Variants in NAALADL2 observed in about 807,000 individuals in gnomAD.
The protein encoded by NAALADL2 is N-acetylated alpha-linked acidic dipeptidase like 2.
NAALADL2 carries 76 observed loss-of-function variants against 87.2 expected under a neutral mutation model. The observed-to-expected ratio is 0.87, with a 90% CI of 0.72 to 1.05. The LOEUF (loss-of-function observed/expected upper bound fraction) is 1.05, where lower values mean the gene tolerates loss of function less well. Among genes scored for constraint, NAALADL2 ranks in the 50% least tolerant of loss-of-function variants. The probability of loss-of-function intolerance (pLI) is 0.00; values close to 1 mark genes in which losing one functional copy is unlikely to be tolerated. For missense variants in NAALADL2, 1,089 were observed against 945.8 expected (o/e 1.15, Z -1.99); for synonymous variants, 354 against 331.0 (o/e 1.07, Z -0.75).
chr3:174,702,821 T>A (rs1729683980), intron 2 of NAALADL2, among the ~76,000 whole-genome samples: 1 of 152,230 alleles, frequency 6.6e-6, no homozygotes, highest in Admixed American at 6.5e-5. Context: ...CGTTATGCAG[T>A]GCATAACTGT....
intron 13 of NAALADL2, among the ~76,000 whole-genome samples, chr3:175,757,901 TTATTC>T (rs1747473613): frequency 6.6e-6 from 1 of 152,072 alleles, no homozygotes; most frequent in African/African-American, 2.4e-5. Context: ...ATTTTGTAAA[TTATTC>T]TATTTACTTT....
intron 2 of NAALADL2, among the ~76,000 whole-genome samples, chr3:174,568,300 C>T (rs115679485): frequency 0.013 from 2,015 of 151,758 alleles, 44 homozygotes; most frequent in African/African-American, 0.047. Flanking sequence ...TATTATGAGA[C>T]GTAATTTTTA....
intron 1 of NAALADL2, among the ~76,000 whole-genome samples, chr3:175,031,880 T>C (rs920305783): frequency 6.6e-6 from 1 of 152,136 alleles, no homozygotes; most frequent in Admixed American, 6.6e-5. Flanking sequence ...ATGTTGAGCA[T>C]TTTTTCATGT....
rs553003761 is a variant in NAALADL2 at position 174,781,606 on chromosome 3, A to C, written c.-9+43860A>C. ...AATACTTTCTTTTTAGGGTGATTTT[A>C]GAAGGATGGATAGTGATAGAGAGGG... On this transcript the variant is annotated intron_variant, in intron 3 of 3. Coordinates refer to the NAALADL2 transcript ENST00000434257. Among the ~76,000 whole-genome samples the C allele has an allele frequency of 1.4e-4, 21 of 152,166 alleles. No homozygotes were observed. The East Asian group carries it at 2.3e-3, about 17-fold the overall frequency.
intron 2 of NAALADL2, among the ~76,000 whole-genome samples, chr3:174,590,720 G>A (rs868755233): frequency 2.2e-4 from 34 of 151,992 alleles, no homozygotes; most frequent in Non-Finnish European, 3.4e-4. Context: ...AAACCTCAAT[G>A]TCTTAATCAG....
chr3:174,607,672 C>T (rs1013545756), intron 2 of NAALADL2, among the ~76,000 whole-genome samples: 1 of 152,114 alleles, frequency 6.6e-6, no homozygotes, highest in African/African-American at 2.4e-5. Flanking sequence ...TAAGGAAGTC[C>T]TGAGTGACCT....
chr3:174,731,992 T>A (rs1220641065), intron 2 of NAALADL2, among the ~76,000 whole-genome samples: 2 of 152,126 alleles, frequency 1.3e-5, no homozygotes, highest in Non-Finnish European at 2.9e-5. Context: ...AATACATAAA[T>A]GAATGGGTGT....
At chr3:175,605,109 A>G (rs1723506320) in intron 10 of NAALADL2, among the ~76,000 whole-genome samples, 2 of 152,060 alleles carry the variant, frequency 1.3e-5, no homozygotes, top group South Asian at 4.1e-4. Context: ...TAGTACCCAC[A>G]CTCTTACCAG....
At chr3:174,657,301 A>T (rs548860594) in intron 2 of NAALADL2, among the ~76,000 whole-genome samples, 3 of 151,794 alleles carry the variant, frequency 2.0e-5, no homozygotes, top group Non-Finnish European at 4.4e-5. Flanking sequence ...GAACCTGAGG[A>T]AGCTGCCACT....
chr3:174,595,704 C>A (rs551669214), intron 2 of NAALADL2, among the ~76,000 whole-genome samples: 1 of 152,146 alleles, frequency 6.6e-6, no homozygotes, highest in African/African-American at 2.4e-5. Flanking sequence ...CAAGTCTCTC[C>A]TATCTTAAGA....
intron 1 of NAALADL2, among the ~76,000 whole-genome samples, chr3:174,897,462 A>G (rs1731692772): frequency 1.3e-5 from 2 of 152,246 alleles, no homozygotes; most frequent in Admixed American, 6.5e-5. Flanking sequence ...AATCAAAACT[A>G]GAGATATAAT....
chr3:174,595,765 C>A (rs1229985029), intron 2 of NAALADL2, among the ~76,000 whole-genome samples: 1 of 152,042 alleles, frequency 6.6e-6, no homozygotes. Flanking sequence ...AATCCCAGCA[C>A]TTTGGGAGGC....
In NAALADL2 at chr3:175,384,782, A is replaced by G. The variant is rs115076946; in HGVS notation, c.1090+60457A>G. On this transcript the variant is annotated intron_variant, in intron 5 of 13. Coordinates refer to ENST00000454872, the MANE Select transcript of NAALADL2 (RefSeq NM_207015.3). ...TATTTATTTATTTTTATTTTATTTT[A>G]CTTAATTTATTTTTAATTTATTTTA... 8.9e-3 allele frequency among the ~76,000 whole-genome samples: 1,334 copies of G among 149,472 alleles called. 21 individuals carry two copies. The highest frequency in any genetic ancestry group is 0.03 in the African/African-American group (1,248 of 41,214).
chr3:175,209,402 A>G (rs533033557), intron 2 of NAALADL2, among the ~76,000 whole-genome samples: 2 of 152,072 alleles, frequency 1.3e-5, no homozygotes, highest in Admixed American at 1.3e-4. Flanking sequence ...TAACTAGTAC[A>G]TGGTTATATT....
chr3:174,772,213 T>A (rs1191374918), intron 3 of NAALADL2, among the ~76,000 whole-genome samples: 1 of 152,212 alleles, frequency 6.6e-6, no homozygotes, highest in African/African-American at 2.4e-5. Flanking sequence ...GTCATTGGAC[T>A]AGGATGCTAC....
intron 1 of NAALADL2, among the ~76,000 whole-genome samples, chr3:174,528,942 A>T (rs778743442): frequency 1.3e-5 from 2 of 152,104 alleles, no homozygotes; most frequent in Non-Finnish European, 2.9e-5. Flanking sequence ...AAACCTTATC[A>T]TTCTGCCCCT....
chr3:174,519,561 C>T (rs770721312), intron 1 of NAALADL2, among the ~76,000 whole-genome samples: 37 of 152,036 alleles, frequency 2.4e-4, no homozygotes, highest in South Asian at 6.2e-4. Flanking sequence ...GAACTCCCGA[C>T]CTCAGGTGAT....
intron 2 of NAALADL2, among the ~76,000 whole-genome samples, chr3:174,607,233 C>A (rs186325727): frequency 5.9e-5 from 9 of 151,918 alleles, no homozygotes; most frequent in Admixed American, 3.9e-4. Context: ...TAAAGACCAT[C>A]GAGACTAGGA....
chr3:175,195,373 C>A (rs182766910), intron 2 of NAALADL2, among the ~76,000 whole-genome samples: 41 of 151,520 alleles, frequency 2.7e-4, no homozygotes, highest in African/African-American at 9.9e-4. Flanking sequence ...GATGATGAAA[C>A]GTTATGAAAA....
Sources: allele counts gnomAD v4.1 joint callset (sites outside exome capture counted in the v4.1 genomes callset), GRCh38; gene constraint gnomAD v4.1.1; transcripts MANE v1.5; gene names NCBI Gene and HGNC (gene_info 2026-07-23, HGNC 2026-07-21).